The following ITGA3 variants were observed in gnomAD, a reference collection of about 807,000 sequenced individuals.
ITGA3 encodes integrin alpha-3.
A neutral mutation model predicts 131.1 loss-of-function variants in ITGA3; 70 were observed. That is an observed-to-expected ratio of 0.53 (90% confidence interval 0.44 to 0.65). The LOEUF (loss-of-function observed/expected upper bound fraction) is 0.65, where lower values mean the gene tolerates loss of function less well. Among genes scored for constraint, ITGA3 ranks in the 30% least tolerant of loss-of-function variants. ITGA3 has a pLI of 0.00. For missense variants in ITGA3, 1,098 were observed against 1,388.6 expected (o/e 0.79, Z 3.33); for synonymous variants, 537 against 571.6 (o/e 0.94, Z 0.86).
Position 50,078,209 on chromosome 17 carries a change from C to T in ITGA3, c.2222C>T (p.Ser741Leu), listed in dbSNP as rs774623595. The T allele has an allele frequency of 3.7e-6, 6 of 1,613,816 alleles. No individual in the cohort carries two copies. The highest frequency in any genetic ancestry group is 5.1e-6 in the Non-Finnish European group (6 of 1,179,922). Residue 741 changes from serine to leucine, a missense_variant and splice_region_variant, in exon 18 of 26, where the codon TCG (serine) becomes TTG (leucine). By Grantham distance (145) the Ser-to-Leu change is moderately radical (BLOSUM62 -2). Transcript: ENST00000320031. ...TAACCCCTGCATTTCCTCCCAAGGTCGAGTCACCAGGACAACCTGTGGCCC... is the reference window on the plus strand; with the variant it reads ...TAACCCCTGCATTTCCTCCCAAGGTTGAGTCACCAGGACAACCTGTGGCCC... ...DLQVQLQLST[S>L]SHQDNLWPMI...
Position 50,058,017 on chromosome 17 carries a change from A to C in ITGA3, c.206+1372A>C, listed in dbSNP as rs191645143. ...AGCCACCATGAGCACAAGTTTCTAC[A>C]TCAGCTCTTTCTGCCCTAACTGAGA... On this transcript the variant is annotated intron_variant, in intron 1 of 25. Coordinates refer to ENST00000320031, the MANE Select transcript of ITGA3 (RefSeq NM_002204.4). Among the ~76,000 whole-genome samples the C allele has an allele frequency of 5.7e-3, 847 of 148,964 alleles. 24 individuals are homozygous for C. The East Asian group carries it at 0.063, about 11-fold the overall frequency.
chr17:50,085,901 CACATATAGA>C (rs1909379349), intron 23 of ITGA3, among the ~76,000 whole-genome samples: 1 of 115,822 alleles, frequency 8.6e-6, no homozygotes, highest in Non-Finnish European at 1.8e-5. Flanking sequence ...TTAGATTATA[CACATATAGA>C]TTTATAATAT....
chr17:50,058,615 A>C (rs1271823125), intron 1 of ITGA3, among the ~76,000 whole-genome samples: 1 of 152,126 alleles, frequency 6.6e-6, no homozygotes, highest in Non-Finnish European at 1.5e-5. Context: ...AAGCTAATGA[A>C]CCTCTGAGGG....
At chr17:50,085,838 A>T (rs866051976) in intron 23 of ITGA3, among the ~76,000 whole-genome samples, 368 of 68,994 alleles carry the variant, frequency 5.3e-3, no homozygotes, top group Non-Finnish European at 9.8e-3. Flanking sequence ...TAGATTATAC[A>T]TTATAGATTT....
At chr17:50,088,452 G>T in intron 25 of ITGA3, 86 bp downstream of exon 25, 1 of 695,276 alleles carries the variant, frequency 1.4e-6, no homozygotes, top group East Asian at 2.8e-5. Context: ...TTCCCTTATG[G>T]GCCTGCTCTG....
chr17:50,072,257 C>G (rs1908667181), intron 7 of ITGA3, 75 bp downstream of exon 7: 2 of 1,348,870 alleles, frequency 1.5e-6, no homozygotes, highest in African/African-American at 2.9e-5. Flanking sequence ...GACTGAGCAC[C>G]AGCTGCACAT....
chr17:50,079,151 A>G lies in ITGA3; in HGVS notation c.2476A>G (p.Asn826Asp). The G allele has an allele frequency of 6.2e-7, 1 of 1,613,944 alleles. No individual in the cohort carries two copies. The highest frequency in any genetic ancestry group is 8.5e-7 in the Non-Finnish European group (1 of 1,179,964). ...LGLEWPYEVSNGKWLLYPTEI... is the reference protein window; with the variant it reads ...LGLEWPYEVSDGKWLLYPTEI... ...TCTGGAGTGGCCCTACGAAGTCAGC[A>G]ATGGCAAGTGGCTGCTGTATCCCAC... The change falls in exon 20 of 26, where the codon AAT (asparagine) becomes GAT (aspartate). Residue 826 changes from asparagine (N) to aspartate (D), a missense_variant. By Grantham distance (23) the Asn-to-Asp change is conservative. This residue lies in a region of ITGA3 where 699 missense variants were observed against 829.2 expected (regional missense o/e 0.84). Transcript: ENST00000320031.
chr17:50,085,481 A>G (rs1909346179), intron 23 of ITGA3, among the ~76,000 whole-genome samples: 1 of 151,764 alleles, frequency 6.6e-6, no homozygotes, highest in Admixed American at 6.6e-5. Flanking sequence ...CCTGGCCAAC[A>G]TGGTGAAACC....
chr17:50,082,988 G>A (rs1909250181), intron 23 of ITGA3, among the ~76,000 whole-genome samples: 1 of 152,200 alleles, frequency 6.6e-6, no homozygotes, highest in Non-Finnish European at 1.5e-5. Flanking sequence ...AAGGATATAA[G>A]TGAAGATACG....
Position 50,089,796 on chromosome 17 carries a change from T to C in ITGA3, c.*718T>C, listed in dbSNP as rs184580419. On this transcript the variant is annotated 3_prime_UTR_variant, in exon 26 of 26. Coordinates refer to ENST00000320031, the MANE Select transcript of ITGA3 (RefSeq NM_002204.4). ...AGAGAGGTGGGGATCCTGCCTAAGGTTGTCTACGGGGGCACTTGGAGGACC... is the reference window on the plus strand; with the variant it reads ...AGAGAGGTGGGGATCCTGCCTAAGGCTGTCTACGGGGGCACTTGGAGGACC... 7.0e-3 allele frequency: 1,200 copies of C among 171,612 alleles called. 2 individuals are homozygous for C. Among genetic ancestry groups the C allele is most frequent in the Non-Finnish European group, 9.7e-3 (767 of 78,858 alleles). 10.6% of individuals were successfully genotyped at this position (171,612 alleles called of 1,614,324 possible). A position where few individuals can be genotyped will look rare whatever the true frequency, so the allele number is the denominator to read the frequency against.
At chr17:50,070,285 A>G (rs1188426211) in intron 4 of ITGA3, among the ~76,000 whole-genome samples, 1 of 152,212 alleles carries the variant, frequency 6.6e-6, no homozygotes, top group African/African-American at 2.4e-5. Flanking sequence ...TGGGACTATG[A>G]GCAAGTCAAC....
chr17:50,079,462 C>T lies in ITGA3; in HGVS notation c.2611C>T (p.Gln871Ter), dbSNP rs1909081679. 1 of 1,577,200 alleles carries T rather than the reference C, an allele frequency of 6.3e-7. No homozygotes were observed. The highest frequency in any genetic ancestry group is 8.6e-7 in the Non-Finnish European group (1 of 1,162,906). The part of the protein sequence containing the change: ...SDPGDRPSSP[Q>*]RRRRQLDPGG... ...CCCTGGGGACAGGCCATCATCCCCA[C>T]AGCGCAGGCGGCGACAGCTGGATCC... Residue 871 changes from glutamine (Q) to a stop codon, truncating the protein, a stop_gained, in exon 21 of 26, where the codon CAG (glutamine) becomes TAG (stop). Coordinates refer to ENST00000320031, the MANE Select transcript of ITGA3 (RefSeq NM_002204.4). LOFTEE classifies it high-confidence loss of function.
chr17:50,082,528 T>C (rs932551372), intron 23 of ITGA3, among the ~76,000 whole-genome samples: 2 of 152,088 alleles, frequency 1.3e-5, no homozygotes, highest in Admixed American at 6.6e-5. Context: ...CCCAGCCTGG[T>C]CTTGAACTCC....
At chr17:50,074,400 G>A (rs181193696) in intron 9 of ITGA3, 48 bp from the exon 10 acceptor site, 1 of 1,602,190 alleles carries the variant, frequency 6.2e-7, no homozygotes, top group East Asian at 2.2e-5. Flanking sequence ...CTCTGGCCTG[G>A]GGCAGGCAGG....
At position 50,076,437 on chromosome 17, in the gene ITGA3, A is replaced by C; in HGVS notation, c.1786A>C (p.Ile596Leu). The C allele has an allele frequency of 6.2e-7, 1 of 1,610,828 alleles. No homozygotes were observed. Among genetic ancestry groups the C allele is most frequent in the Non-Finnish European group, 8.5e-7 (1 of 1,179,966 alleles). The change falls in exon 13 of 26, where the codon ATC (isoleucine) becomes CTC (leucine). Residue 596 changes from isoleucine to leucine, a missense_variant. This residue lies in a region of ITGA3 where 699 missense variants were observed against 829.2 expected (regional missense o/e 0.84). Coordinates refer to ENST00000320031, the MANE Select transcript of ITGA3 (RefSeq NM_002204.4). ...GCTGCGGTCCCTGGACGCCTACCCG[A>C]TCCTCAACCAGGCACAGGCTCTGGA... is the stretch of plus-strand genomic sequence containing the variant. ...LGLRSLDAYP[I>L]LNQAQALENH... is the part of the protein sequence containing the mutation.
Position 50,090,191 on chromosome 17 carries a change from C to T in ITGA3, c.*1113C>T. The T allele has an allele frequency of 2.2e-6, 1 of 454,878 alleles. No individual in the cohort carries two copies. The highest frequency in any genetic ancestry group is 7.0e-5 in the East Asian group (1 of 14,354). 28.2% of individuals were successfully genotyped at this position (454,878 alleles called of 1,614,324 possible). A position where few individuals can be genotyped will look rare whatever the true frequency, so the allele number is the denominator to read the frequency against. On this transcript the variant is annotated 3_prime_UTR_variant, in exon 26 of 26. Transcript: ENST00000320031. The stretch of plus-strand genomic sequence containing the variant: ...GGGGCCCTGCCCCACCCCATCCAGC[C>T]AGACCCCACGCTGACCATGCGTCAG...
rs1366703923 is a variant in ITGA3, at chr17:50,078,265, C to T, written c.2278C>T (p.Leu760Phe). The change falls in exon 18 of 26, where the codon CTC (leucine) becomes TTC (phenylalanine). Residue 760 changes from leucine to phenylalanine, a missense_variant. This residue lies in a region of ITGA3 where 699 missense variants were observed against 829.2 expected (regional missense o/e 0.84). Transcript: ENST00000320031. ...CCTCACTCTGCTGGTGGACTATACACTCCAGACCTCGCTTAGCATGTGGGT... is the reference window on the plus strand; with the variant it reads ...CCTCACTCTGCTGGTGGACTATACATTCCAGACCTCGCTTAGCATGTGGGT... ...MILTLLVDYT[L>F]QTSLSMVNHR... The T allele has an allele frequency of 2.5e-5, 40 of 1,613,836 alleles. No homozygotes were observed. Among genetic ancestry groups the T allele is most frequent in the Non-Finnish European group, 3.2e-5 (38 of 1,179,884 alleles).
intron 21 of ITGA3, 60 bp from the exon 22 acceptor site, chr17:50,080,202 A>T: frequency 9.7e-7 from 1 of 1,036,202 alleles, no homozygotes; most frequent in Non-Finnish European, 1.5e-6. Context: ...GTAAGGAGCA[A>T]GGCATGAAGA....
In ITGA3 at chr17:50,075,684, C is replaced by T; in HGVS notation, c.1623C>T (p.Gly541=). 1 of 1,614,184 alleles carries T rather than the reference C, an allele frequency of 6.2e-7. No individual in the cohort carries two copies. Among genetic ancestry groups the T allele is most frequent in the Non-Finnish European group, 8.5e-7 (1 of 1,180,030 alleles). ...FAGSESAVFH[G]FFSMPEMRCQ... ...GCAGTGAGTCCGCTGTCTTCCACGG[C>T]TTCTTCTCCATGCCCGAGATGCGCT... The change falls in exon 12 of 26, where the codon GGC becomes GGT. Residue 541 remains glycine, a synonymous_variant. Coordinates refer to ENST00000320031, the MANE Select transcript of ITGA3 (RefSeq NM_002204.4).
Sources: allele counts gnomAD v4.1 joint callset (sites outside exome capture counted in the v4.1 genomes callset), GRCh38; gene constraint gnomAD v4.1.1; regional missense constraint gnomAD v4.1.1; transcripts MANE v1.5; gene names NCBI Gene and HGNC (gene_info 2026-07-23, HGNC 2026-07-21).